Variants in PTN observed in about 807,000 individuals in gnomAD.
PTN encodes pleiotrophin, also known as heparin affin regulatory protein.
PTN carries 18 observed loss-of-function variants against 24.1 expected under a neutral mutation model. The ratio of observed to expected loss-of-function variants is 0.75; its 90% CI spans 0.52 to 1.11. The LOEUF (loss-of-function observed/expected upper bound fraction) is 1.11, where lower values mean the gene tolerates loss of function less well. Ranked by LOEUF, PTN falls within the 50% of genes least tolerant of loss-of-function variation. The probability of loss-of-function intolerance (pLI) is 0.00; values close to 1 mark genes in which losing one functional copy is unlikely to be tolerated. For synonymous variants in PTN, 78 were observed against 68.6 expected, an observed-to-expected ratio of 1.14 and a Z score of -0.67; for missense variants, 163 against 198.8, an observed-to-expected ratio of 0.82 and a Z score of 1.08.
chr7:137,324,229 C>A (rs367949764), intron 1 of PTN, among the ~76,000 whole-genome samples: 1 of 151,260 alleles, frequency 6.6e-6, no homozygotes, highest in East Asian at 1.9e-4. Flanking sequence ...TGTGGCCTTG[C>A]TAAAAATTAA....
At chr7:137,286,715 G>A (rs1303376796) in intron 1 of PTN, among the ~76,000 whole-genome samples, 3 of 152,080 alleles carry the variant, frequency 2.0e-5, no homozygotes, top group African/African-American at 7.2e-5. Flanking sequence ...ACCTCAATTG[G>A]GAGAATACAT....
chr7:137,273,126 C>T (rs1809303922), intron 1 of PTN, among the ~76,000 whole-genome samples: 1 of 152,172 alleles, frequency 6.6e-6, no homozygotes, highest in African/African-American at 2.4e-5. Context: ...AGGGAGAGAA[C>T]ATTATCTCTC....
intron 1 of PTN, among the ~76,000 whole-genome samples, chr7:137,308,532 C>T (rs1809925848): frequency 6.6e-6 from 1 of 152,074 alleles, no homozygotes; most frequent in African/African-American, 2.4e-5. Context: ...GTAGATTCTG[C>T]CAGGCTGCTA....
At chr7:137,336,685 G>A (rs2128883640) in intron 1 of PTN, among the ~76,000 whole-genome samples, 1 of 152,290 alleles carries the variant, frequency 6.6e-6, no homozygotes, top group African/African-American at 2.4e-5. Context: ...CTAGGATTTT[G>A]CTTGTATGTT....
At chr7:137,343,006 G>T (rs533394771) in intron 1 of PTN, among the ~76,000 whole-genome samples, 1 of 152,228 alleles carries the variant, frequency 6.6e-6, no homozygotes, top group African/African-American at 2.4e-5. Flanking sequence ...GGCAATCAGA[G>T]AATCAGAGAG....
At chr7:137,273,645 C>T (rs1356737853) in intron 1 of PTN, among the ~76,000 whole-genome samples, 2 of 152,004 alleles carry the variant, frequency 1.3e-5, no homozygotes, top group African/African-American at 2.4e-5. Context: ...GTCTAGAGCA[C>T]ACAGTAACAA....
chr7:137,267,257 A>C (rs1809168778), intron 1 of PTN, among the ~76,000 whole-genome samples: 1 of 135,726 alleles, frequency 7.4e-6, no homozygotes, highest in East Asian at 2.2e-4. Flanking sequence ...TCTTTTCTTG[A>C]CTCCTTCTTT....
At chr7:137,264,132 G>A (rs1809094481) in intron 1 of PTN, among the ~76,000 whole-genome samples, 1 of 152,140 alleles carries the variant, frequency 6.6e-6, no homozygotes, top group Admixed American at 6.5e-5. Context: ...TGGGTCTGTA[G>A]GCTCTAATTC....
intron 1 of PTN, among the ~76,000 whole-genome samples, chr7:137,285,950 T>C (rs1340819863): frequency 6.6e-6 from 1 of 152,248 alleles, no homozygotes; most frequent in Non-Finnish European, 1.5e-5. Flanking sequence ...TTGAATTTTA[T>C]GTATATTCTA....
At chr7:137,319,773 G>A (rs557150037) in intron 1 of PTN, among the ~76,000 whole-genome samples, 2 of 152,294 alleles carry the variant, frequency 1.3e-5, no homozygotes, top group East Asian at 1.9e-4. Flanking sequence ...GGCTGGGCGG[G>A]TACCTGCACT....
chr7:137,329,980 C>T (rs1810322895), intron 1 of PTN, among the ~76,000 whole-genome samples: 1 of 152,118 alleles, frequency 6.6e-6, no homozygotes, highest in African/African-American at 2.4e-5. Context: ...CTTATGGAAA[C>T]CTCCACATGA....
intron 4 of PTN, among the ~76,000 whole-genome samples, chr7:137,246,456 C>T (rs1288334587): frequency 6.6e-6 from 1 of 152,164 alleles, no homozygotes; most frequent in African/African-American, 2.4e-5. Context: ...TGTTAAGTGA[C>T]ACATGACTGT....
intron 1 of PTN, among the ~76,000 whole-genome samples, chr7:137,292,323 C>A (rs952018180): frequency 6.6e-6 from 1 of 152,174 alleles, no homozygotes. Flanking sequence ...CCACACAAAT[C>A]TCACCTTGAA....
intron 1 of PTN, among the ~76,000 whole-genome samples, chr7:137,270,246 C>T (rs1008148268): frequency 3.9e-5 from 6 of 152,162 alleles, no homozygotes; most frequent in South Asian, 2.1e-4. Context: ...TTCCCTTTTT[C>T]GATTGTCAAT....
intron 1 of PTN, among the ~76,000 whole-genome samples, chr7:137,296,754 C>G (rs933099364): frequency 3.3e-5 from 5 of 152,032 alleles, no homozygotes; most frequent in Non-Finnish European, 5.9e-5. Context: ...CACCACACCA[C>G]TTAGCCCATA....
At chr7:137,246,212 C>A (rs1808721013) in intron 4 of PTN, among the ~76,000 whole-genome samples, 1 of 152,104 alleles carries the variant, frequency 6.6e-6, no homozygotes. Context: ...TTTACTATAT[C>A]TTTTCAATAA....
Position 137,249,098 on chromosome 7 carries a change from G to A in PTN, c.451+2132C>T, listed in dbSNP as rs189715728. Among the ~76,000 whole-genome samples, 15 of 152,070 alleles carry A rather than the reference G, an allele frequency of 9.9e-5. No homozygotes were observed. The East Asian group carries it at 1.2e-3, about 12-fold the overall frequency. On this transcript the variant is annotated intron_variant, in intron 4 of 4. Transcript: ENST00000348225. ...AGACTTCACTTATTTCCTAAATATC[G>A]TTTAGGGTTCTATCTTAATCATGTT...
rs192974760 is a variant in PTN, at chr7:137,229,368, G to T, written c.452-1293C>A. Among the ~76,000 whole-genome samples, 3 of 151,838 alleles carry T rather than the reference G, an allele frequency of 2.0e-5. No individual in the cohort carries two copies. In the East Asian group the frequency reaches 5.9e-4, roughly 30 times the overall value. ...AGGGATGAGGTCATTGTTCACTGGAGCATACAGCCTGTGTCCAAGAGGACC... is the reference window on the plus strand; with the variant it reads ...AGGGATGAGGTCATTGTTCACTGGATCATACAGCCTGTGTCCAAGAGGACC... On this transcript the variant is annotated intron_variant, in intron 4 of 4. Coordinates refer to ENST00000348225, the MANE Select transcript of PTN (RefSeq NM_002825.7).
chr7:137,267,732 C>T lies in PTN; in HGVS notation c.-1-12758G>A, dbSNP rs756831501. On this transcript the variant is annotated intron_variant, in intron 1 of 4. Transcript: ENST00000348225. ...CACACGCACACTACAAAACAAAGAA[C>T]GGGTAAAAAGGGCACACACACACTT... 2.0e-5 allele frequency among the ~76,000 whole-genome samples: 3 copies of T among 152,150 alleles called. No individual in the cohort carries two copies. The East Asian group carries it at 5.8e-4, about 29-fold the overall frequency.
Sources: allele counts gnomAD v4.1 joint callset (sites outside exome capture counted in the v4.1 genomes callset), GRCh38; gene constraint gnomAD v4.1.1; transcripts MANE v1.5; gene names NCBI Gene and HGNC (gene_info 2026-07-23, HGNC 2026-07-21).